EFNA5: variants seen among roughly 807,000 people sequenced by gnomAD.
EFNA5 encodes ephrin-A5.
EFNA5 carries 5 observed loss-of-function variants against 22.9 expected under a neutral mutation model. The ratio of observed to expected loss-of-function variants is 0.22; its 90% CI spans 0.11 to 0.46. The LOEUF (loss-of-function observed/expected upper bound fraction) is 0.46, where lower values mean the gene tolerates loss of function less well. Among genes scored for constraint, EFNA5 ranks in the 20% least tolerant of loss-of-function variants. The pLI, the probability that EFNA5 is intolerant of heterozygous loss-of-function variation, is 0.99. For synonymous variants in EFNA5, 113 were observed against 112.2 expected (o/e 1.01, Z -0.04); for missense variants, 237 against 293.3 (o/e 0.81, Z 1.40).
intron 1 of EFNA5, among the ~76,000 whole-genome samples, chr5:107,639,523 T>C (rs1028434605): frequency 1.3e-5 from 2 of 152,238 alleles, no homozygotes; most frequent in Admixed American, 1.3e-4. Flanking sequence ...TGACTTTACA[T>C]ATGCACAGTG....
intron 1 of EFNA5, among the ~76,000 whole-genome samples, chr5:107,629,671 C>T (rs978529610): frequency 6.6e-6 from 1 of 152,238 alleles, no homozygotes; most frequent in African/African-American, 2.4e-5. Flanking sequence ...ATGCTCATAA[C>T]TAAAGTTGTC....
At chr5:107,573,174 G>A (rs1748853952) in intron 1 of EFNA5, among the ~76,000 whole-genome samples, 1 of 152,038 alleles carries the variant, frequency 6.6e-6, no homozygotes, top group African/African-American at 2.4e-5. Context: ...CTTCTCCCTG[G>A]GACCTCAATC....
chr5:107,439,448 A>G (rs1749200110), intron 1 of EFNA5, among the ~76,000 whole-genome samples: 1 of 152,212 alleles, frequency 6.6e-6, no homozygotes, highest in South Asian at 2.1e-4. Context: ...AGTGGGGGAT[A>G]GGGTGGTTTT....
chr5:107,532,521 G>A (rs978865785), intron 1 of EFNA5, among the ~76,000 whole-genome samples: 2 of 152,200 alleles, frequency 1.3e-5, no homozygotes, highest in Admixed American at 1.3e-4. Flanking sequence ...GACAGATGAA[G>A]AAATAGACTT....
intron 1 of EFNA5, among the ~76,000 whole-genome samples, chr5:107,525,359 C>T (rs533931186): frequency 1.3e-5 from 2 of 152,016 alleles, no homozygotes; most frequent in East Asian, 3.9e-4. Context: ...TCTCTTTTTT[C>T]CCTAATTCAT....
chr5:107,551,122 C>T (rs544244324), intron 1 of EFNA5, among the ~76,000 whole-genome samples: 1 of 152,188 alleles, frequency 6.6e-6, no homozygotes, highest in South Asian at 2.1e-4. Flanking sequence ...CCTGGCCACC[C>T]TGTGGCCTTA....
chr5:107,664,478 T>C (rs1359934071), intron 1 of EFNA5, among the ~76,000 whole-genome samples: 1 of 152,166 alleles, frequency 6.6e-6, no homozygotes, highest in East Asian at 1.9e-4. Context: ...GCTCAGGACA[T>C]AGGTTGAAAA....
At chr5:107,633,363 T>A (rs1200615733) in intron 1 of EFNA5, among the ~76,000 whole-genome samples, 2 of 152,226 alleles carry the variant, frequency 1.3e-5, no homozygotes, top group African/African-American at 4.8e-5. Context: ...CCTTTCAGCA[T>A]GGACAAAGCA....
At chr5:107,382,681 T>C (rs1207190892) in intron 4 of EFNA5, among the ~76,000 whole-genome samples, 1 of 152,198 alleles carries the variant, frequency 6.6e-6, no homozygotes, top group Non-Finnish European at 1.5e-5. Context: ...CTTGTGCTTT[T>C]AGACTAAGGA....
At position 107,591,827 on chromosome 5, in the gene EFNA5, AT is replaced by A. The variant is rs1441164696; in HGVS notation, c.125+78661del. ...CAAAGGGAGACTCCGTCTCAAAAAA[AT>A]ATATATATATATATAAAATATATAT... On this transcript the variant is annotated intron_variant, in intron 1 of 4. Coordinates refer to ENST00000333274, the MANE Select transcript of EFNA5 (RefSeq NM_001962.3). Among the ~76,000 whole-genome samples the A allele has an allele frequency of 1.6e-3, 129 of 79,498 alleles. 5 individuals are homozygous for A. Among genetic ancestry groups the A allele is most frequent in the African/African-American group, 5.2e-3 (127 of 24,310 alleles). 52.2% of individuals were successfully genotyped at this position (79,498 alleles called of 152,430 possible). A position where few individuals can be genotyped will look rare whatever the true frequency, so the allele number is the denominator to read the frequency against.
intron 1 of EFNA5, among the ~76,000 whole-genome samples, chr5:107,523,714 T>C (rs552295289): frequency 6.6e-6 from 1 of 152,362 alleles, no homozygotes; most frequent in Non-Finnish European, 1.5e-5. Flanking sequence ...CTGTCATCCC[T>C]TCACTTTCCT....
At chr5:107,466,937 G>C (rs1324670748) in intron 1 of EFNA5, among the ~76,000 whole-genome samples, 1 of 152,138 alleles carries the variant, frequency 6.6e-6, no homozygotes, top group Non-Finnish European at 1.5e-5. Context: ...AGAGCGTTAG[G>C]TTTGTCTTAA....
At chr5:107,636,030 C>T (rs1714413159) in intron 1 of EFNA5, among the ~76,000 whole-genome samples, 2 of 152,148 alleles carry the variant, frequency 1.3e-5, no homozygotes, top group Non-Finnish European at 1.5e-5. Flanking sequence ...TTAAATGAGT[C>T]ACTTAAGCTA....
rs533367068 is a variant in EFNA5, at chr5:107,577,131, C to T, written c.125+93358G>A. Among the ~76,000 whole-genome samples, 3 of 152,290 alleles carry T rather than the reference C, an allele frequency of 2.0e-5. No individual in the cohort carries two copies. The South Asian group carries it at 6.2e-4, about 32-fold the overall frequency. On this transcript the variant is annotated intron_variant, in intron 1 of 4. Coordinates refer to ENST00000333274, the MANE Select transcript of EFNA5 (RefSeq NM_001962.3). ...AGATTGTGAAATGTAAATCAGAATA[C>T]CTTTCACCTGCAAAATGACTAACAT... is the stretch of plus-strand genomic sequence containing the variant.
intron 1 of EFNA5, among the ~76,000 whole-genome samples, chr5:107,569,853 GCAAA>G (rs1230174684): frequency 6.3e-5 from 8 of 126,044 alleles, no homozygotes; most frequent in African/African-American, 2.1e-4. Flanking sequence ...AAAAAAAAAA[GCAAA>G]CAAACAACAC....
At chr5:107,410,927 A>G (rs114075773) in intron 2 of EFNA5, among the ~76,000 whole-genome samples, 1,528 of 152,330 alleles carry the variant, frequency 0.01, 18 homozygotes, top group Admixed American at 0.013. Context: ...GGAAATTAAG[A>G]AACAGGATGT....
At chr5:107,655,812 T>C (rs1750807887) in intron 1 of EFNA5, among the ~76,000 whole-genome samples, 1 of 152,150 alleles carries the variant, frequency 6.6e-6, no homozygotes, top group South Asian at 2.1e-4. Flanking sequence ...TTTCAATGCA[T>C]TAAAATATGT....
intron 1 of EFNA5, among the ~76,000 whole-genome samples, chr5:107,501,621 T>G (rs1747138666): frequency 6.6e-6 from 1 of 152,178 alleles, no homozygotes; most frequent in Non-Finnish European, 1.5e-5. Flanking sequence ...CATTCACTAT[T>G]TGTTTGAAAA....
At chr5:107,497,831 T>C (rs1176513976) in intron 1 of EFNA5, among the ~76,000 whole-genome samples, 1 of 152,268 alleles carries the variant, frequency 6.6e-6, no homozygotes, top group Non-Finnish European at 1.5e-5. Flanking sequence ...TTATTTGCTA[T>C]TTAAAGTCAT....
Sources: gnomAD v4.1 joint callset for allele counts (sites outside exome capture counted in the v4.1 genomes callset) on GRCh38, gnomAD v4.1.1 for gene constraint, MANE v1.5 for transcripts, NCBI Gene and HGNC (gene_info 2026-07-23, HGNC 2026-07-21) for gene names.